ITIH3: variants seen among roughly 807,000 people sequenced by gnomAD.
ITIH3 encodes inter-alpha-trypsin inhibitor heavy chain H3.
A neutral mutation model predicts 96.5 loss-of-function variants in ITIH3; 81 were observed. The observed-to-expected ratio is 0.84, with a 90% CI of 0.70 to 1.01. ITIH3 has a LOEUF of 1.01. ITIH3 is among the 50% of genes least tolerant of loss of function. ITIH3 has a pLI of 0.00. For synonymous variants in ITIH3, 422 were observed against 445.2 expected, an observed-to-expected ratio of 0.95 and a Z score of 0.66; for missense variants, 1,057 against 1,139.3, an observed-to-expected ratio of 0.93 and a Z score of 1.04.
chr3:52,806,503 A>T, intron 18 of ITIH3, 97 bp downstream of exon 18: 1 of 890,864 alleles, frequency 1.1e-6, no homozygotes, highest in Non-Finnish European at 1.7e-6. Context: ...CACTCTGCCC[A>T]GTAAGGCATC....
Position 52,806,287 on chromosome 3 carries a change from C to A in ITIH3, c.1943-6C>A. On this transcript the variant is annotated splice_region_variant and splice_polypyrimidine_tract_variant and intron_variant, in intron 17 of 21. Transcript: ENST00000449956. ...GGAGTCAGCTCCTTCTCTAATGTGT[C>A]ACCAGTGGACGGGGATCCCCACTTC... is the stretch of plus-strand genomic sequence containing the variant. The A allele has an allele frequency of 6.2e-7, 1 of 1,612,478 alleles. No individual in the cohort carries two copies. The highest frequency in any genetic ancestry group is 1.1e-5 in the South Asian group (1 of 90,878).
At chr3:52,802,099 T>C in intron 11 of ITIH3, 1 of 482,394 alleles carries the variant, frequency 2.1e-6, no homozygotes, top group South Asian at 3.7e-5. Flanking sequence ...ATTTCTTTTT[T>C]TTTTTAATAG....
intron 16 of ITIH3, 27 bp downstream of exon 16, chr3:52,805,867 C>A (rs764076706): frequency 1.2e-6 from 2 of 1,612,846 alleles, no homozygotes; most frequent in Non-Finnish European, 1.7e-6. Flanking sequence ...AGCTGCCACT[C>A]CTCCCACTGC....
chr3:52,801,749 A>G (rs1468126464), intron 11 of ITIH3, among the ~76,000 whole-genome samples: 1 of 152,208 alleles, frequency 6.6e-6, no homozygotes, highest in Non-Finnish European at 1.5e-5. Flanking sequence ...AGACCCTATC[A>G]CCAAATAAGG....
At position 52,808,732 on chromosome 3, in the gene ITIH3, T is replaced by C. The variant is rs935876549; in HGVS notation, c.*51T>C. ...TGGATGGCCCGGATTTTATGGCATC[T>C]GGAACATGGGCACAGAGAGGGGCCT... On this transcript the variant is annotated 3_prime_UTR_variant, in exon 22 of 22. Coordinates refer to ENST00000449956, the MANE Select transcript of ITIH3 (RefSeq NM_002217.4). The C allele has an allele frequency of 1.4e-5, 23 of 1,587,492 alleles. No individual in the cohort carries two copies. Among genetic ancestry groups the C allele is most frequent in the Non-Finnish European group, 2.0e-5 (23 of 1,158,216 alleles).
chr3:52,805,910 C>T lies in ITIH3; in HGVS notation c.1906+70C>T, dbSNP rs1240290663. 1.9e-5 allele frequency: 30 copies of T among 1,582,316 alleles called. No homozygotes were observed. The East Asian group carries it at 2.3e-4, about 12-fold the overall frequency. On this transcript the variant is annotated intron_variant, in intron 16 of 21. Transcript: ENST00000449956. ...CTGCCCCTGCCACATGTCCCTCCAC[C>T]GTGGCTACTCACTCAGCTCTCCGGG... is the stretch of plus-strand genomic sequence containing the variant.
At chr3:52,799,268 C>T in intron 7 of ITIH3, 104 bp from the exon 8 acceptor site, 6 of 1,163,446 alleles carry the variant, frequency 5.2e-6, no homozygotes, top group South Asian at 3.1e-5. Context: ...GGGATAGGAA[C>T]GTCTTTTTCT....
rs1319942741 is a variant in ITIH3 at position 52,797,089 on chromosome 3, C to G, written c.387-16C>G. Reference sequence around the variant, plus strand: ...CTGCAGTCTTTGAGGGAGTCACCATCTCGCACCCTGGTCAGGGCCTCTGGG... The same window carrying G: ...CTGCAGTCTTTGAGGGAGTCACCATGTCGCACCCTGGTCAGGGCCTCTGGG... On this transcript the variant is annotated splice_polypyrimidine_tract_variant and intron_variant, in intron 4 of 21. Coordinates refer to ENST00000449956, the MANE Select transcript of ITIH3 (RefSeq NM_002217.4). The G allele has an allele frequency of 6.2e-7, 1 of 1,604,568 alleles. No homozygotes were observed. Among genetic ancestry groups the G allele is most frequent in the Non-Finnish European group, 8.5e-7 (1 of 1,176,488 alleles).
intron 2 of ITIH3, 105 bp from the exon 3 acceptor site, chr3:52,796,376 G>A: frequency 1.0e-6 from 1 of 955,992 alleles, no homozygotes; most frequent in Non-Finnish European, 1.6e-6. Context: ...TGCGTGCCGG[G>A]CAGGGGCCTC....
rs561226381 is a variant in ITIH3, at chr3:52,808,064, C to T, written c.2432-46C>T. The T allele has an allele frequency of 1.0e-4, 166 of 1,595,278 alleles. 2 individuals carry two copies. Among genetic ancestry groups the T allele is most frequent in the South Asian group, 4.9e-4 (44 of 90,604 alleles). ...CTGAAAGGCCAGTGGCCACGTTACC[C>T]GTGGCAATGGCCAGGGGCTGACAGC... On this transcript the variant is annotated intron_variant, in intron 20 of 21. Coordinates refer to ENST00000449956, the MANE Select transcript of ITIH3 (RefSeq NM_002217.4).
chr3:52,804,690 T>G, intron 14 of ITIH3, 36 bp from the exon 15 acceptor site: 1 of 1,571,178 alleles, frequency 6.4e-7, no homozygotes, highest in Non-Finnish European at 8.6e-7. Flanking sequence ...TGGCTTCTAA[T>G]GCATTTCTCT....
chr3:52,808,548 C>T lies in ITIH3; in HGVS notation c.2544-4C>T, dbSNP rs3815421. The T allele has an allele frequency of 0.024, 38,344 of 1,612,962 alleles. 2,807 individuals carry two copies. Among genetic ancestry groups the T allele is most frequent in the African/African-American group, 0.22 (16,541 of 74,958 alleles). On this transcript the variant is annotated splice_polypyrimidine_tract_variant and splice_region_variant and intron_variant, in intron 21 of 21. Coordinates refer to ENST00000449956, the MANE Select transcript of ITIH3 (RefSeq NM_002217.4). ...GTATTGCAGCATCTCTCTTCTTTCC[C>T]CAGGGGCTCCCAGAAAGACTACAGA...
intron 19 of ITIH3, 144 bp downstream of exon 19, chr3:52,807,249 C>T: frequency 1.3e-6 from 1 of 776,720 alleles, no homozygotes; most frequent in Non-Finnish European, 2.0e-6. Flanking sequence ...TCTCCTGTCA[C>T]AGGGGAGGGT....
Position 52,805,798 on chromosome 3 carries a change from G to C in ITIH3, c.1874-10G>C. 1 of 1,613,792 alleles carries C rather than the reference G, an allele frequency of 6.2e-7. No homozygotes were observed. The highest frequency in any genetic ancestry group is 8.5e-7 in the Non-Finnish European group (1 of 1,179,778). On this transcript the variant is annotated splice_polypyrimidine_tract_variant and intron_variant, in intron 15 of 21. Coordinates refer to ENST00000449956, the MANE Select transcript of ITIH3 (RefSeq NM_002217.4). ...TAGACCCTGCTCACCACTGCCCTTCGGCTTTTCAGCCACACCGGTGAGCCC... is the reference window on the plus strand; with the variant it reads ...TAGACCCTGCTCACCACTGCCCTTCCGCTTTTCAGCCACACCGGTGAGCCC...
chr3:52,803,325 A>AT (rs561451509), intron 13 of ITIH3, among the ~76,000 whole-genome samples: 25,898 of 115,346 alleles, frequency 0.22, 2,793 homozygotes, highest in South Asian at 0.32. Flanking sequence ...TATTATTATT[A>AT]TTTTTTTTTT....
intron 1 of ITIH3, 45 bp from the exon 2 acceptor site, chr3:52,795,558 G>A (rs1181717388): frequency 6.3e-7 from 1 of 1,593,156 alleles, no homozygotes; most frequent in Non-Finnish European, 8.6e-7. Context: ...CTTGGTGTTG[G>A]CCTTGGCCTG....
chr3:52,807,060 C>A lies in ITIH3; in HGVS notation c.2216C>A (p.Pro739Gln). 1 of 1,599,232 alleles carries A rather than the reference C, an allele frequency of 6.3e-7. No homozygotes were observed. Among genetic ancestry groups the A allele is most frequent in the Non-Finnish European group, 8.5e-7 (1 of 1,173,172 alleles). ...EKITLWNRAVPSTFSWLDTVT... is the reference protein window; with the variant it reads ...EKITLWNRAVQSTFSWLDTVT... ...ATCACCCTGTGGAACAGGGCCGTGCCGAGCACTTTCAGCTGGCTGGACACA... is the reference window on the plus strand; with the variant it reads ...ATCACCCTGTGGAACAGGGCCGTGCAGAGCACTTTCAGCTGGCTGGACACA... The change falls in exon 19 of 22, where the codon CCG becomes CAG. Residue 739 changes from proline (P) to glutamine (Q), a missense_variant. Physicochemically the swap from Pro to Gln is moderately conservative, Grantham distance 76. Coordinates refer to ENST00000449956, the MANE Select transcript of ITIH3 (RefSeq NM_002217.4).
intron 12 of ITIH3, 44 bp downstream of exon 12, chr3:52,802,563 C>T: frequency 6.2e-7 from 1 of 1,611,382 alleles, no homozygotes; most frequent in African/African-American, 1.3e-5. Flanking sequence ...GATGGGGTAT[C>T]AGCAGTGGTA....
At chr3:52,805,684 C>T in intron 15 of ITIH3, 124 bp from the exon 16 acceptor site, 1 of 1,535,658 alleles carries the variant, frequency 6.5e-7, no homozygotes, top group Non-Finnish European at 8.7e-7. Flanking sequence ...AGTCACATCT[C>T]CACCTCTATC....
Sources: allele counts gnomAD v4.1 joint callset (sites outside exome capture counted in the v4.1 genomes callset), GRCh38; gene constraint gnomAD v4.1.1; transcripts MANE v1.5; gene names NCBI Gene and HGNC (gene_info 2026-07-23, HGNC 2026-07-21).